Variants in CLTA observed in about 807,000 individuals in gnomAD.
CLTA encodes clathrin, light polypeptide (Lca).
A neutral mutation model predicts 26.9 loss-of-function variants in CLTA; 9 were observed. The observed-to-expected ratio is 0.33, with a 90% CI of 0.20 to 0.58. The LOEUF (loss-of-function observed/expected upper bound fraction) is 0.58. Among genes scored for constraint, CLTA ranks in the 20% least tolerant of loss-of-function variants. The pLI, the probability that CLTA is intolerant of heterozygous loss-of-function variation, is 0.85. For missense variants in CLTA, 278 were observed against 294.2 expected (o/e 0.94, Z 0.40); for synonymous variants, 120 against 115.5 (o/e 1.04, Z -0.25).
At chr9:36,203,620 A>AAAGATT (rs529995646) in intron 3 of CLTA, among the ~76,000 whole-genome samples, 2 of 152,336 alleles carry the variant, frequency 1.3e-5, no homozygotes, top group African/African-American at 4.8e-5. Context: ...AGAAGAGGTA[A>AAAGATT]AAGATTAAGA....
Position 36,211,722 on chromosome 9 carries a change from C to G in CLTA, c.605C>G (p.Ser202Cys), listed in dbSNP as rs539862621. The G allele has an allele frequency of 6.2e-7, 1 of 1,614,082 alleles. No individual in the cohort carries two copies. Among genetic ancestry groups the G allele is most frequent in the Admixed American group, 1.7e-5 (1 of 60,018 alleles). The change falls in exon 5 of 5, where the codon TCC becomes TGC. Residue 202 changes from serine (S) to cysteine (C), a missense_variant. Physicochemically the swap from Ser to Cys is moderately radical, Grantham distance 112 (BLOSUM62 -1). Transcript: ENST00000345519. Reference protein sequence around the residue: ...PKSSKQAKDVSRMRSVLISLK... With the variant: ...PKSSKQAKDVCRMRSVLISLK... The stretch of plus-strand genomic sequence containing the variant: ...TCTAGCAAGCAGGCCAAAGATGTCT[C>G]CCGCATGCGCTCAGTCCTCATCTCC...
At chr9:36,193,116 A>C (rs1826832952) in intron 1 of CLTA, among the ~76,000 whole-genome samples, 2 of 152,238 alleles carry the variant, frequency 1.3e-5, no homozygotes, top group Admixed American at 1.3e-4. Context: ...TTTGTGCATC[A>C]AGCCTTCGGC....
At chr9:36,211,548 C>G (rs1828040363) in intron 4 of CLTA, 55 bp from the exon 5 acceptor site, 2 of 1,536,690 alleles carry the variant, frequency 1.3e-6, no homozygotes, top group Admixed American at 1.9e-5. Flanking sequence ...AGGCAGCCAC[C>G]AGGTTGCTCA....
At chr9:36,199,422 C>CTT (rs1159596152) in intron 3 of CLTA, among the ~76,000 whole-genome samples, 1 of 151,646 alleles carries the variant, frequency 6.6e-6, no homozygotes, top group African/African-American at 2.4e-5. Flanking sequence ...TGTCCGTGGA[C>CTT]TTTAACAGTC....
chr9:36,194,679 CTTTCACT>C (rs1312767710), intron 1 of CLTA, among the ~76,000 whole-genome samples: 1 of 152,222 alleles, frequency 6.6e-6, no homozygotes, highest in East Asian at 1.9e-4. Context: ...TTGGGACAGT[CTTTCACT>C]TTTGAAAACT....
intron 1 of CLTA, among the ~76,000 whole-genome samples, chr9:36,196,353 T>A (rs899567569): frequency 3.9e-4 from 59 of 150,444 alleles, no homozygotes; most frequent in Non-Finnish European, 7.1e-4. Context: ...TTTTTTTTTT[T>A]TTTTATTTTT....
At chr9:36,195,497 C>T (rs951760744) in intron 1 of CLTA, among the ~76,000 whole-genome samples, 12 of 152,142 alleles carry the variant, frequency 7.9e-5, no homozygotes, top group Admixed American at 7.2e-4. Flanking sequence ...CACAACAAAG[C>T]CACCATGAGT....
rs761150114 is a variant in CLTA at position 36,191,131 on chromosome 9, C to A, written c.75C>A (p.Gly25=). 1 of 1,600,432 alleles carries A rather than the reference C, an allele frequency of 6.2e-7. No homozygotes were observed. The highest frequency in any genetic ancestry group is 1.1e-5 in the South Asian group (1 of 90,264). Residue 25 remains glycine, a synonymous_variant, in exon 1 of 5, where the codon GGC becomes GGA. Transcript: ENST00000345519. ...CCGCGCTGGGGAACGGAGTGGCCGGCGCCGGCGAAGAAGACCCGGCTGCGG... is the reference window on the plus strand; with the variant it reads ...CCGCGCTGGGGAACGGAGTGGCCGGAGCCGGCGAAGAAGACCCGGCTGCGG... ...GGPALGNGVA[G]AGEEDPAAAF...
At chr9:36,198,926 T>G in intron 2 of CLTA, 53 bp from the exon 3 acceptor site, 3 of 1,255,924 alleles carry the variant, frequency 2.4e-6, no homozygotes, top group African/African-American at 3.0e-5. Context: ...GTGAAGTGCA[T>G]TTTAGGAAGG....
chr9:36,195,709 G>C (rs1356067524), intron 1 of CLTA, among the ~76,000 whole-genome samples: 2 of 152,184 alleles, frequency 1.3e-5, no homozygotes, highest in African/African-American at 4.8e-5. Context: ...GCTCACGCCT[G>C]AAATCCCAGC....
At chr9:36,196,925 A>G (rs954897373) in intron 1 of CLTA, among the ~76,000 whole-genome samples, 4 of 152,178 alleles carry the variant, frequency 2.6e-5, no homozygotes, top group East Asian at 3.8e-4. Flanking sequence ...CTGTAATCCA[A>G]TACTTTGGGA....
At chr9:36,196,711 A>G (rs1055698986) in intron 1 of CLTA, among the ~76,000 whole-genome samples, 1 of 152,140 alleles carries the variant, frequency 6.6e-6, no homozygotes, top group African/African-American at 2.4e-5. Flanking sequence ...TGCTTCCCCC[A>G]TGCTTTCACT....
In CLTA at chr9:36,211,682, G is replaced by A. The variant is rs1450092937; in HGVS notation, c.565G>A (p.Asp189Asn). ...GTGGGAACGGGTGGCCCGGCTGTGTGACTTTAACCCCAAGTCTAGCAAGCA... is the reference window on the plus strand; with the variant it reads ...GTGGGAACGGGTGGCCCGGCTGTGTAACTTTAACCCCAAGTCTAGCAAGCA... ...TEWERVARLC[D>N]FNPKSSKQAK... The change falls in exon 5 of 5, where the codon GAC becomes AAC. Residue 189 changes from aspartate (D) to asparagine (N), a missense_variant. Coordinates refer to ENST00000345519, the MANE Select transcript of CLTA (RefSeq NM_001833.4). 1 of 1,614,086 alleles carries A rather than the reference G, an allele frequency of 6.2e-7. No individual in the cohort carries two copies. Among genetic ancestry groups the A allele is most frequent in the Non-Finnish European group, 8.5e-7 (1 of 1,179,986 alleles).
At position 36,211,631 on chromosome 9, in the gene CLTA, A is replaced by T. The variant is rs61746131; in HGVS notation, c.514A>T (p.Ile172Phe). The change falls in exon 5 of 5, where the codon ATT becomes TTT. Residue 172 changes from isoleucine (I) to phenylalanine (F), a missense_variant. Ile to Phe is a conservative substitution (Grantham distance 21). Coordinates refer to ENST00000345519, the MANE Select transcript of CLTA (RefSeq NM_001833.4). Reference protein sequence around the residue: ...RAAEEAFVNDIDESSPGTEWE... With the variant: ...RAAEEAFVNDFDESSPGTEWE... ...AGCAGAAGAAGCCTTTGTAAATGAC[A>T]TTGACGAGTCGTCCCCAGGCACTGA... 1.2e-6 allele frequency: 2 copies of T among 1,613,500 alleles called. No homozygotes were observed. Among genetic ancestry groups the T allele is most frequent in the Non-Finnish European group, 1.7e-6 (2 of 1,179,638 alleles).
At chr9:36,204,453 A>G (rs565967767) in intron 4 of CLTA, among the ~76,000 whole-genome samples, 11 of 152,308 alleles carry the variant, frequency 7.2e-5, no homozygotes, top group South Asian at 4.1e-4. Flanking sequence ...GGGAAAAGTT[A>G]CTTTCCATGG....
intron 4 of CLTA, among the ~76,000 whole-genome samples, chr9:36,206,622 C>T (rs942904770): frequency 5.3e-5 from 8 of 152,052 alleles, no homozygotes; most frequent in African/African-American, 1.9e-4. Context: ...GGCCGGACAC[C>T]GTGACTCAAC....
chr9:36,211,466 C>A, intron 4 of CLTA, 137 bp from the exon 5 acceptor site: 2 of 1,188,740 alleles, frequency 1.7e-6, no homozygotes, highest in Non-Finnish European at 2.4e-6. Context: ...CTGACCTGGG[C>A]CAGGGGCTGT....
intron 1 of CLTA, among the ~76,000 whole-genome samples, chr9:36,196,164 C>T (rs1450528487): frequency 6.6e-6 from 1 of 151,544 alleles, no homozygotes; most frequent in Admixed American, 6.6e-5. Flanking sequence ...CCTGTAGTCC[C>T]AGCTACTCAG....
chr9:36,208,667 T>C (rs974723640), intron 4 of CLTA, among the ~76,000 whole-genome samples: 1 of 152,106 alleles, frequency 6.6e-6, no homozygotes, highest in Non-Finnish European at 1.5e-5. Context: ...AAAACTGGCT[T>C]TGGGTCCTAG....
Sources: allele counts gnomAD v4.1 joint callset (sites outside exome capture counted in the v4.1 genomes callset), GRCh38; gene constraint gnomAD v4.1.1; transcripts MANE v1.5; gene names NCBI Gene and HGNC (gene_info 2026-07-23, HGNC 2026-07-21).